Variants in HSPD1 observed in about 807,000 individuals in gnomAD.
HSPD1 encodes the protein heat shock protein family D (Hsp60) member 1.
Under a neutral mutation model 53.0 loss-of-function variants are expected in HSPD1, and 3 were observed. The observed-to-expected ratio is 0.06, with a 90% CI of 0.03 to 0.15. The LOEUF is 0.15. HSPD1 is among the 10% of genes least tolerant of loss of function. The pLI, the probability that HSPD1 is intolerant of heterozygous loss-of-function variation, is 1.00. For synonymous variants in HSPD1, 200 were observed against 228.0 expected, an observed-to-expected ratio of 0.88 and a Z score of 1.10; for missense variants, 431 against 694.1, an observed-to-expected ratio of 0.62 and a Z score of 4.26.
In HSPD1 at chr2:197,487,883, T is replaced by G; in HGVS notation, c.1544A>C (p.Glu515Ala). 6.2e-7 allele frequency: 1 copy of G among 1,613,830 alleles called. No homozygotes were observed. The change falls in exon 11 of 12, where the codon GAA (glutamate) becomes GCA (alanine). Residue 515 changes from glutamate (E) to alanine (A), a missense_variant. Glu to Ala is a moderately radical substitution (Grantham distance 107). Transcript: ENST00000388968. ...CTTTGTTGGGTCAATGATTCCTTTT[T>G]CCACCATATTCACAAAATCTCCAGC... ...AMAGDFVNMV[E>A]KGIIDPTKVV...
chr2:197,489,975 C>T (rs1385768365), intron 8 of HSPD1, among the ~76,000 whole-genome samples: 1 of 152,080 alleles, frequency 6.6e-6, no homozygotes, highest in Non-Finnish European at 1.5e-5. Context: ...AAAGGAAACC[C>T]CCTTATTCAG....
intron 3 of HSPD1, among the ~76,000 whole-genome samples, chr2:197,496,095 T>C (rs1375115673): frequency 6.6e-6 from 1 of 152,194 alleles, no homozygotes; most frequent in African/African-American, 2.4e-5. Flanking sequence ...ATGATAGGAA[T>C]CTGTTGTGAC....
intron 7 of HSPD1, among the ~76,000 whole-genome samples, chr2:197,491,748 T>C (rs547966830): frequency 5.3e-5 from 8 of 152,332 alleles, no homozygotes; most frequent in Non-Finnish European, 1.2e-4. Flanking sequence ...TAGCTTAAAA[T>C]GTAGATTTAA....
chr2:197,492,861 T>G (rs2086111611), intron 7 of HSPD1, among the ~76,000 whole-genome samples: 1 of 151,160 alleles, frequency 6.6e-6, no homozygotes, highest in African/African-American at 2.4e-5. Context: ...AATACAAAAA[T>G]TAGTCAGGTG....
chr2:197,499,622 G>A (rs2086215382), intron 1 of HSPD1, among the ~76,000 whole-genome samples, 160 bp downstream of exon 1: 1 of 152,170 alleles, frequency 6.6e-6, no homozygotes, highest in South Asian at 2.1e-4. Flanking sequence ...GAACCCGCAT[G>A]GACCCGCGAG....
At chr2:197,488,147 A>G in intron 10 of HSPD1, 111 bp from the exon 11 acceptor site, 3 of 999,176 alleles carry the variant, frequency 3.0e-6, no homozygotes, top group Non-Finnish European at 4.6e-6. Flanking sequence ...CTACAGATCA[A>G]ATCATTTCCT....
chr2:197,495,111 G>T, intron 4 of HSPD1, 183 bp downstream of exon 4: 1 of 625,854 alleles, frequency 1.6e-6, no homozygotes, highest in Admixed American at 2.8e-5. Flanking sequence ...ACCACATGTA[G>T]AACTAAATGA....
intron 2 of HSPD1, among the ~76,000 whole-genome samples, chr2:197,498,397 A>G (rs536233027): frequency 4.4e-4 from 67 of 152,350 alleles, no homozygotes; most frequent in Non-Finnish European, 8.4e-4. Context: ...AGCCAGCGAA[A>G]TTCTACCTCG....
Position 197,488,918 on chromosome 2 carries a change from A to G in HSPD1, c.1215+84T>C, listed in dbSNP as rs190598973. 5.9e-6 allele frequency: 8 copies of G among 1,351,714 alleles called. No individual in the cohort carries two copies. In the South Asian group the frequency reaches 7.1e-5, roughly 12 times the overall value. The allele number at this position is 1,351,714 out of a possible 1,614,324, so 83.7% of individuals were successfully genotyped here. A position where few individuals can be genotyped will look rare whatever the true frequency, so the allele number is the denominator to read the frequency against. On this transcript the variant is annotated intron_variant, in intron 9 of 11. Coordinates refer to ENST00000388968, the MANE Select transcript of HSPD1 (RefSeq NM_002156.5). ...ATTCCTCAAGTATTCGTTTAGTTCT[A>G]TGGTACTACTGGGGAATACTACAGA...
At position 197,489,267 on chromosome 2, in the gene HSPD1, TAA is replaced by T; in HGVS notation, c.970-22_970-21del. The T allele has an allele frequency of 6.2e-7, 1 of 1,613,914 alleles. No homozygotes were observed. The highest frequency in any genetic ancestry group is 1.7e-5 in the Admixed American group (1 of 60,032). ...AAACACCTACAAAAAGAGTTAAACG[TAA>T]ACCTGTTGTAGGTTACAGTTTCTGC... On this transcript the variant is annotated intron_variant, in intron 8 of 11. Coordinates refer to ENST00000388968, the MANE Select transcript of HSPD1 (RefSeq NM_002156.5).
intron 3 of HSPD1, 86 bp from the exon 4 acceptor site, chr2:197,495,462 T>C: frequency 1.0e-6 from 1 of 988,330 alleles, no homozygotes; most frequent in East Asian, 2.4e-5. Context: ...GTGACAAATA[T>C]TTTAATGCCT....
intron 3 of HSPD1, 131 bp downstream of exon 3, chr2:197,497,009 T>A: frequency 1.1e-6 from 1 of 926,126 alleles, no homozygotes; most frequent in Non-Finnish European, 1.7e-6. Context: ...AGTTTAAGAT[T>A]TCTCCAGGCC....
At chr2:197,494,613 A>C (rs749970889) in intron 5 of HSPD1, 44 bp downstream of exon 5, 5 of 865,778 alleles carry the variant, frequency 5.8e-6, no homozygotes, top group Non-Finnish European at 8.5e-6. Context: ...ACTTTTGATC[A>C]TAAGATAACT....
At chr2:197,499,270 C>T (rs1312012332) in intron 1 of HSPD1, 2 of 293,460 alleles carry the variant, frequency 6.8e-6, no homozygotes, top group Non-Finnish European at 1.3e-5. Context: ...GTGCAAAAAG[C>T]CGCTCAGCAA....
chr2:197,487,799 G>T, intron 11 of HSPD1, 59 bp downstream of exon 11: 2 of 1,388,638 alleles, frequency 1.4e-6, no homozygotes, highest in Non-Finnish European at 2.0e-6. Context: ...TTTGGGATGT[G>T]AGGATACATT....
At chr2:197,488,557 T>A in intron 9 of HSPD1, 66 bp from the exon 10 acceptor site, 1 of 1,449,368 alleles carries the variant, frequency 6.9e-7, no homozygotes, top group Non-Finnish European at 9.7e-7. Flanking sequence ...CCAAGTCATT[T>A]AAAAGCAGTT....
At chr2:197,498,106 G>T (rs540014035) in intron 2 of HSPD1, among the ~76,000 whole-genome samples, 1 of 152,180 alleles carries the variant, frequency 6.6e-6, no homozygotes, top group Non-Finnish European at 1.5e-5. Flanking sequence ...TGGGGTGGAG[G>T]AGAGAATGGG....
At chr2:197,493,865 C>T (rs2086123549) in intron 6 of HSPD1, among the ~76,000 whole-genome samples, 1 of 152,040 alleles carries the variant, frequency 6.6e-6, no homozygotes, top group African/African-American at 2.4e-5. Context: ...CTTTGGGAGG[C>T]CAAGGTGGGT....
intron 1 of HSPD1, chr2:197,499,527 A>C (rs1200862051): frequency 6.5e-6 from 1 of 153,494 alleles, no homozygotes; most frequent in East Asian, 1.9e-4. Flanking sequence ...AGCGGGCCTA[A>C]GTGGTTACAA....
Sources: gnomAD v4.1 joint callset for allele counts (sites outside exome capture counted in the v4.1 genomes callset) on GRCh38, gnomAD v4.1.1 for gene constraint, MANE v1.5 for transcripts, NCBI Gene and HGNC (gene_info 2026-07-23, HGNC 2026-07-21) for gene names.